The following ESRRG variants were observed in gnomAD, a reference collection of about 807,000 sequenced individuals.
ESRRG encodes estrogen-related receptor gamma.
A neutral mutation model predicts 44.0 loss-of-function variants in ESRRG; 13 were observed. That is an observed-to-expected ratio of 0.30 (90% CI 0.19 to 0.47). The LOEUF (loss-of-function observed/expected upper bound fraction) is 0.47. Ranked by LOEUF, ESRRG falls within the 20% of genes least tolerant of loss-of-function variation. The pLI is 1.00. For missense variants in ESRRG, 395 were observed against 580.6 expected (o/e 0.68, Z 3.29); for synonymous variants, 215 against 214.6 (o/e 1.00, Z -0.02).
chr1:217,116,888 C>T (rs2092737186), intron 1 of ESRRG, among the ~76,000 whole-genome samples: 1 of 152,076 alleles, frequency 6.6e-6, no homozygotes, highest in African/African-American at 2.4e-5. Flanking sequence ...ACATTTAGAA[C>T]CTTAAGAATG....
At chr1:216,676,954 T>C (rs2076212369) in intron 2 of ESRRG, 122 bp downstream of exon 2, 1 of 697,700 alleles carries the variant, frequency 1.4e-6, no homozygotes, top group East Asian at 2.6e-5. Context: ...TCTATTTCCA[T>C]TTTCTACTCA....
At chr1:217,080,849 T>C (rs2091702822) in intron 1 of ESRRG, among the ~76,000 whole-genome samples, 1 of 151,856 alleles carries the variant, frequency 6.6e-6, no homozygotes. Flanking sequence ...AGTTAATTTT[T>C]TGTATTTTTA....
intron 2 of ESRRG, among the ~76,000 whole-genome samples, chr1:216,676,377 CCATTTTATTGGTAT>C (rs2076110601): frequency 6.6e-6 from 1 of 151,278 alleles, no homozygotes; most frequent in South Asian, 2.1e-4. Context: ...TCATTCAATG[CCATTTTATTGGTAT>C]AATTTGGAAG....
upstream of ESRRG, among the ~76,000 whole-genome samples, chr1:217,092,998 GTGAGCAGGTATATAATTGTAGTACT>G (rs2092370961): frequency 3.9e-5 from 6 of 152,178 alleles, no homozygotes; most frequent in South Asian, 1.2e-3. Flanking sequence ...AGTGAGGTGG[GTGAGCAGGTATATAATTGTAGTACT>G]TGAAAAGCTA....
intron 2 of ESRRG, among the ~76,000 whole-genome samples, chr1:216,751,097 G>A (rs2091964178): frequency 6.6e-6 from 1 of 152,070 alleles, no homozygotes; most frequent in Admixed American, 6.6e-5. Context: ...CCCTGGAGTT[G>A]GGAATTTTGG....
rs141352590 is a variant in ESRRG, at chr1:216,949,133, T to C, written c.-105-9460A>G. 1.3e-4 allele frequency among the ~76,000 whole-genome samples: 20 copies of C among 152,274 alleles called. No homozygotes were observed. In the East Asian group the frequency reaches 3.9e-3, roughly 29 times the overall value. ...TATTATGTTTCCTGTTTTAACTGGC[T>C]TCTCCCACTGGGTTGTTTTGACCAG... On this transcript the variant is annotated intron_variant, in intron 1 of 7. Coordinates refer to the ESRRG transcript ENST00000359162.
intron 1 of ESRRG, among the ~76,000 whole-genome samples, chr1:216,968,466 G>A (rs138644621): frequency 6.6e-6 from 1 of 152,200 alleles, no homozygotes; most frequent in East Asian, 1.9e-4. Flanking sequence ...ATATCCAGTT[G>A]TTCAAGCACC....
At chr1:216,607,836 GGAT>G (rs1210705912) in intron 3 of ESRRG, among the ~76,000 whole-genome samples, 8 of 152,106 alleles carry the variant, frequency 5.3e-5, no homozygotes, top group Non-Finnish European at 1.0e-4. Flanking sequence ...TAAAAAGCAA[GGAT>G]GATAACAAAT....
At chr1:216,967,710 T>C (rs1464774813) in intron 1 of ESRRG, among the ~76,000 whole-genome samples, 1 of 152,226 alleles carries the variant, frequency 6.6e-6, no homozygotes, top group Non-Finnish European at 1.5e-5. Flanking sequence ...TGTGTGCATA[T>C]TTTTGTGTGG....
At chr1:216,712,771 A>G (rs1439312648) in intron 1 of ESRRG, among the ~76,000 whole-genome samples, 1 of 152,238 alleles carries the variant, frequency 6.6e-6, no homozygotes, top group Non-Finnish European at 1.5e-5. Context: ...GCAACAGCTT[A>G]AAAGCATGAA....
At chr1:216,602,572 G>A (rs1319912820) in intron 3 of ESRRG, among the ~76,000 whole-genome samples, 2 of 152,094 alleles carry the variant, frequency 1.3e-5, no homozygotes, top group Non-Finnish European at 2.9e-5. Flanking sequence ...TTAACACCAA[G>A]CTCCCCGGAT....
chr1:217,034,936 G>T (rs781368009), intron 1 of ESRRG, among the ~76,000 whole-genome samples: 1 of 152,142 alleles, frequency 6.6e-6, no homozygotes, highest in African/African-American at 2.4e-5. Flanking sequence ...GGAAAATAAC[G>T]CCTTCTAGGT....
At chr1:217,073,586 T>C (rs1258283737) in intron 1 of ESRRG, among the ~76,000 whole-genome samples, 1 of 152,152 alleles carries the variant, frequency 6.6e-6, no homozygotes, top group Non-Finnish European at 1.5e-5. Flanking sequence ...AAAGTTTCCA[T>C]TTATAAAACC....
chr1:216,602,385 T>C (rs1423471931), intron 3 of ESRRG, among the ~76,000 whole-genome samples: 1 of 152,224 alleles, frequency 6.6e-6, no homozygotes, highest in African/African-American at 2.4e-5. Context: ...AAATGTTGTT[T>C]GTGAAGGCAA....
chr1:216,960,267 A>G lies in ESRRG; in HGVS notation c.-105-20594T>C, dbSNP rs556964982. On this transcript the variant is annotated intron_variant, in intron 1 of 7. Transcript: ENST00000359162. Reference sequence around the variant, plus strand: ...TCATATATGTAGGTTATGAAACATAATAACAGAATAAACTCTCATGGATCT... The same window carrying G: ...TCATATATGTAGGTTATGAAACATAGTAACAGAATAAACTCTCATGGATCT... Among the ~76,000 whole-genome samples, 6 of 152,272 alleles carry G rather than the reference A, an allele frequency of 3.9e-5. No homozygotes were observed. The East Asian group carries it at 1.2e-3, about 29-fold the overall frequency.
intron 1 of ESRRG, among the ~76,000 whole-genome samples, chr1:216,701,000 T>C (rs1264719656): frequency 6.6e-6 from 1 of 152,130 alleles, no homozygotes; most frequent in Non-Finnish European, 1.5e-5. Context: ...TAATCCTTAT[T>C]ATGACTCATT....
intron 1 of ESRRG, among the ~76,000 whole-genome samples, chr1:217,006,815 T>A (rs538134679): frequency 6.6e-6 from 1 of 152,220 alleles, no homozygotes; most frequent in African/African-American, 2.4e-5. Context: ...ATGTTGGCCC[T>A]CAAAATGTTT....
intron 1 of ESRRG, among the ~76,000 whole-genome samples, chr1:216,696,718 A>C (rs1326957398): frequency 6.6e-6 from 1 of 152,046 alleles, no homozygotes; most frequent in African/African-American, 2.4e-5. Flanking sequence ...GGAAAACTGG[A>C]GCTAGATATT....
chr1:216,555,541 A>C (rs1253083228), intron 5 of ESRRG, among the ~76,000 whole-genome samples: 1 of 152,190 alleles, frequency 6.6e-6, no homozygotes, highest in Admixed American at 6.5e-5. Context: ...TCTTTAAAAA[A>C]AAAAAAAAAC....
Sources: gnomAD v4.1 joint callset for allele counts (sites outside exome capture counted in the v4.1 genomes callset) on GRCh38, gnomAD v4.1.1 for gene constraint, MANE v1.5 for transcripts, NCBI Gene and HGNC (gene_info 2026-07-23, HGNC 2026-07-21) for gene names.